CDH4: variants seen among roughly 807,000 people sequenced by gnomAD.
CDH4 encodes the protein cadherin 4.
CDH4 carries 33 observed loss-of-function variants against 86.0 expected under a neutral mutation model. The ratio of observed to expected loss-of-function variants is 0.38; its 90% CI spans 0.29 to 0.51. The LOEUF (loss-of-function observed/expected upper bound fraction) is 0.51. CDH4 is among the 20% of genes least tolerant of loss of function. The pLI, the probability that CDH4 is intolerant of heterozygous loss-of-function variation, is 0.86. For missense variants in CDH4, 1,114 were observed against 1,307.4 expected (o/e 0.85, Z 2.28); for synonymous variants, 555 against 549.4 (o/e 1.01, Z -0.14).
intron 2 of CDH4, among the ~76,000 whole-genome samples, chr20:61,541,524 G>C (rs892595858): frequency 3.3e-5 from 5 of 152,204 alleles, no homozygotes; most frequent in Admixed American, 6.5e-5. Context: ...CCACCATCTA[G>C]AATTAGCCGA....
At chr20:61,782,819 C>T (rs1214191660) in intron 4 of CDH4, among the ~76,000 whole-genome samples, 1 of 152,216 alleles carries the variant, frequency 6.6e-6, no homozygotes, top group African/African-American at 2.4e-5. Context: ...TGCAGTGGCT[C>T]ATGCCTGTCA....
intron 2 of CDH4, among the ~76,000 whole-genome samples, chr20:61,620,827 T>G (rs1402636168): frequency 6.6e-6 from 1 of 152,236 alleles, no homozygotes; most frequent in Admixed American, 6.5e-5. Context: ...ACATTCTCCC[T>G]GGCCATGCCA....
intron 2 of CDH4, among the ~76,000 whole-genome samples, chr20:61,463,185 C>G (rs2018704): frequency 0.39 from 59,043 of 152,008 alleles, 12,305 homozygotes; most frequent in Admixed American, 0.5. Context: ...CCTCCCCAGT[C>G]ACGTGGAACT....
intron 9 of CDH4, among the ~76,000 whole-genome samples, chr20:61,921,139 CGTG>C (rs1166191329): frequency 1.5e-4 from 21 of 142,870 alleles, no homozygotes; most frequent in African/African-American, 4.8e-4. Context: ...TGTGTGGAAG[CGTG>C]GTGTCATGAT....
intron 2 of CDH4, among the ~76,000 whole-genome samples, chr20:61,652,142 C>T (rs1427718182): frequency 3.3e-5 from 5 of 152,162 alleles, no homozygotes; most frequent in East Asian, 1.9e-4. Context: ...TTAATGTCAC[C>T]GTCTCTTTAT....
chr20:61,620,501 A>AATAGATGCTTGATGGATG, intron 2 of CDH4, among the ~76,000 whole-genome samples: 9 of 149,726 alleles, frequency 6.0e-5, no homozygotes, highest in African/African-American at 2.3e-4. Context: ...GATGGATGAT[A>AATAGATGCTTGATGGATG]GATGATAGAT....
chr20:61,671,451 G>T (rs538085460), intron 2 of CDH4, among the ~76,000 whole-genome samples: 4 of 152,186 alleles, frequency 2.6e-5, no homozygotes, highest in African/African-American at 9.7e-5. Context: ...AGCTGTGATC[G>T]TGTCACTGCA....
chr20:61,274,704 A>AGTTTGGGGGAGTACTGTGTGCTGTT (rs1317918183), intron 2 of CDH4, among the ~76,000 whole-genome samples: 1 of 116,296 alleles, frequency 8.6e-6, no homozygotes, highest in East Asian at 2.7e-4. Flanking sequence ...TACCATGGGC[A>AGTTTGGGGGAGTACTGTGTGCTGTT]GTTTGGGGGA....
At chr20:61,461,469 C>T (rs867064571) in intron 2 of CDH4, among the ~76,000 whole-genome samples, 5 of 152,064 alleles carry the variant, frequency 3.3e-5, no homozygotes, top group African/African-American at 7.2e-5. Context: ...ACTCGGCTTC[C>T]GCTGGAAGGA....
chr20:61,314,880 G>A (rs1458666460), intron 2 of CDH4, among the ~76,000 whole-genome samples: 1 of 152,192 alleles, frequency 6.6e-6, no homozygotes, highest in African/African-American at 2.4e-5. Context: ...CTGGTGATTC[G>A]TGATATTGAG....
intron 4 of CDH4, among the ~76,000 whole-genome samples, chr20:61,804,804 C>T (rs1033829800): frequency 6.6e-6 from 1 of 152,188 alleles, no homozygotes; most frequent in Non-Finnish European, 1.5e-5. Context: ...GTAGAACAGT[C>T]AGGACTCATC....
chr20:61,335,023 G>A (rs1014508807), intron 2 of CDH4, among the ~76,000 whole-genome samples: 1 of 152,240 alleles, frequency 6.6e-6, no homozygotes, highest in African/African-American at 2.4e-5. Context: ...TGATGACAGC[G>A]ATGATGCGGC....
At chr20:61,874,863 G>A (rs1983950847) in intron 7 of CDH4, among the ~76,000 whole-genome samples, 1 of 152,222 alleles carries the variant, frequency 6.6e-6, no homozygotes, top group South Asian at 2.1e-4. Flanking sequence ...AGCCAGTGCA[G>A]CCCTGCCCGC....
At chr20:61,514,344 A>T (rs1016838592) in intron 2 of CDH4, among the ~76,000 whole-genome samples, 1 of 106,990 alleles carries the variant, frequency 9.3e-6, no homozygotes, top group Non-Finnish European at 1.7e-5. Context: ...CCCGATGTCT[A>T]TGTGACAGTG....
chr20:61,406,919 C>T (rs1025328768), intron 2 of CDH4, among the ~76,000 whole-genome samples: 7 of 150,626 alleles, frequency 4.6e-5, no homozygotes, highest in Middle Eastern at 3.2e-3. Context: ...CTGCCTGGAC[C>T]ACCATCTGCC....
chr20:61,276,062 G>A (rs757840538), intron 2 of CDH4, among the ~76,000 whole-genome samples: 18 of 152,258 alleles, frequency 1.2e-4, no homozygotes, highest in African/African-American at 1.7e-4. Context: ...GCGGTGATAC[G>A]GGACGTGCAG....
intron 8 of CDH4, among the ~76,000 whole-genome samples, chr20:61,903,309 G>A (rs1469060453): frequency 2.8e-4 from 42 of 152,086 alleles, no homozygotes; most frequent in Admixed American, 2.7e-3. Flanking sequence ...ACTTTGGGAG[G>A]CCGAGGCGGG....
intron 2 of CDH4, among the ~76,000 whole-genome samples, chr20:61,479,428 A>C: frequency 2.1e-5 from 3 of 142,904 alleles, no homozygotes; most frequent in Admixed American, 7.2e-5. Context: ...TTCAATTCCC[A>C]CCTATGAGTG....
chr20:61,852,178 A>G (rs1298291778), intron 5 of CDH4, among the ~76,000 whole-genome samples: 1 of 151,746 alleles, frequency 6.6e-6, no homozygotes, highest in African/African-American at 2.4e-5. Flanking sequence ...AAGAGCTGAC[A>G]GGGCACACAG....
Sources: gnomAD v4.1 joint callset for allele counts (sites outside exome capture counted in the v4.1 genomes callset) on GRCh38, gnomAD v4.1.1 for gene constraint, MANE v1.5 for transcripts, NCBI Gene and HGNC (gene_info 2026-07-23, HGNC 2026-07-21) for gene names.